The following LRFN2 variants were observed in gnomAD, a reference collection of about 807,000 sequenced individuals.
LRFN2 encodes the protein leucine rich repeat and fibronectin type III domain containing 2.
In LRFN2, 18 loss-of-function variants were observed where a neutral mutation model predicts 37.3. That is an observed-to-expected ratio of 0.48 (90% CI 0.33 to 0.72). The LOEUF (loss-of-function observed/expected upper bound fraction) is 0.72. Ranked by LOEUF, LRFN2 falls within the 30% of genes least tolerant of loss-of-function variation. The pLI, the probability that LRFN2 is intolerant of heterozygous loss-of-function variation, is 0.02. For missense variants in LRFN2, 1,006 were observed against 1,060.7 expected (o/e 0.95, Z 0.72); for synonymous variants, 556 against 466.6 (o/e 1.19, Z -2.47).
intron 1 of LRFN2, among the ~76,000 whole-genome samples, chr6:40,433,380 T>A (rs1012883698): frequency 6.6e-6 from 1 of 152,364 alleles, no homozygotes; most frequent in Non-Finnish European, 1.5e-5. Flanking sequence ...TGTTTCCTGT[T>A]TCAGTCCTCT....
At chr6:40,458,787 T>C (rs568634628) in intron 1 of LRFN2, among the ~76,000 whole-genome samples, 13 of 152,310 alleles carry the variant, frequency 8.5e-5, no homozygotes, top group African/African-American at 2.6e-4. Flanking sequence ...GCTGGGTAGT[T>C]GCCAGCCACC....
intron 1 of LRFN2, among the ~76,000 whole-genome samples, chr6:40,474,949 T>C (rs4266491): frequency 0.18 from 27,699 of 152,180 alleles, 4,631 homozygotes; most frequent in African/African-American, 0.44. Flanking sequence ...ACCCTGTGCT[T>C]TTCTGGGTCT....
intron 1 of LRFN2, among the ~76,000 whole-genome samples, chr6:40,441,192 G>A (rs897547139): frequency 2.0e-5 from 3 of 152,190 alleles, no homozygotes; most frequent in Non-Finnish European, 4.4e-5. Context: ...TGGGCTGTGC[G>A]GCACTCGCCG....
rs145332719 is a variant in LRFN2, at chr6:40,416,877, G to A, written c.1400+14837C>T. Among the ~76,000 whole-genome samples, 416 of 152,282 alleles carry A rather than the reference G, an allele frequency of 2.7e-3. 9 individuals carry two copies. The East Asian group carries it at 0.03, about 11-fold the overall frequency. On this transcript the variant is annotated intron_variant, in intron 2 of 2. Coordinates refer to ENST00000338305, the MANE Select transcript of LRFN2 (RefSeq NM_020737.3). ...ACCCATCTTTAATGGTGGAATTCCCGGCCCTCCGAACTGTGAAGGAAGCAT... is the reference window on the plus strand; with the variant it reads ...ACCCATCTTTAATGGTGGAATTCCCAGCCCTCCGAACTGTGAAGGAAGCAT...
chr6:40,392,714 G>C lies in LRFN2; in HGVS notation c.1599C>G (p.Thr533=). ...QSMHSQILGG[T]MILVIGGIIV... is the part of the protein sequence containing the mutation. Reference sequence around the variant, plus strand: ...TGATGCCCCCGATGACCAGGATCATGGTGCCGCCCAGAATCTGGCTGTGCA... The same window carrying C: ...TGATGCCCCCGATGACCAGGATCATCGTGCCGCCCAGAATCTGGCTGTGCA... The change falls in exon 3 of 3, where the codon ACC becomes ACG. Residue 533 remains threonine (T), a synonymous_variant. Transcript: ENST00000338305. The surrounding 1 kb of genome is among the most constrained non-coding windows in gnomAD (Gnocchi z 4.7). 1.2e-6 allele frequency: 2 copies of C among 1,614,098 alleles called. No homozygotes were observed. The highest frequency in any genetic ancestry group is 1.7e-6 in the Non-Finnish European group (2 of 1,179,982).
chr6:40,458,376 C>G (rs1286532067), intron 1 of LRFN2, among the ~76,000 whole-genome samples: 2 of 152,180 alleles, frequency 1.3e-5, no homozygotes, highest in Non-Finnish European at 2.9e-5. Flanking sequence ...GCAGTGGATA[C>G]TTTTATTTTA....
chr6:40,542,727 T>C (rs1444705043), intron 1 of LRFN2, among the ~76,000 whole-genome samples: 4 of 152,198 alleles, frequency 2.6e-5, no homozygotes, highest in Non-Finnish European at 5.9e-5. Context: ...AATTTGGCCC[T>C]GCTACCTCTC....
intron 2 of LRFN2, among the ~76,000 whole-genome samples, chr6:40,419,978 G>A (rs1484737050): frequency 3.3e-5 from 5 of 152,230 alleles, no homozygotes. Context: ...CTAGTGCAAA[G>A]GTTTGGTGTT....
At chr6:40,473,014 AC>A (rs1764633934) in intron 1 of LRFN2, among the ~76,000 whole-genome samples, 1 of 152,090 alleles carries the variant, frequency 6.6e-6, no homozygotes, top group African/African-American at 2.4e-5. Flanking sequence ...AGATGCTGGA[AC>A]AGGGGACACA....
chr6:40,485,429 T>C (rs1378610535), intron 1 of LRFN2, among the ~76,000 whole-genome samples: 1 of 152,238 alleles, frequency 6.6e-6, no homozygotes, highest in Admixed American at 6.5e-5. Context: ...GGATGCTTAA[T>C]GTGGCAGTTA....
At chr6:40,574,635 G>C (rs1767244451) in intron 1 of LRFN2, among the ~76,000 whole-genome samples, 1 of 152,166 alleles carries the variant, frequency 6.6e-6, no homozygotes, top group Admixed American at 6.5e-5. Context: ...ATAAATCTCA[G>C]GCTATGTAAA....
intron 1 of LRFN2, among the ~76,000 whole-genome samples, chr6:40,505,438 C>T (rs765076144): frequency 1.3e-5 from 2 of 152,178 alleles, no homozygotes; most frequent in Non-Finnish European, 2.9e-5. Context: ...CTCCATGACG[C>T]AGGTTTCTAA....
At chr6:40,464,484 G>T (rs1764414423) in intron 1 of LRFN2, among the ~76,000 whole-genome samples, 1 of 152,224 alleles carries the variant, frequency 6.6e-6, no homozygotes, top group African/African-American at 2.4e-5. Flanking sequence ...GATGCAGCAA[G>T]AAGACCCTTG....
chr6:40,514,912 G>GCC (rs1765817964), intron 1 of LRFN2, among the ~76,000 whole-genome samples: 1 of 152,030 alleles, frequency 6.6e-6, no homozygotes, highest in Non-Finnish European at 1.5e-5. Context: ...CTCTTATGCT[G>GCC]CCCCTGGCTG....
At chr6:40,524,927 T>C (rs757878226) in intron 1 of LRFN2, among the ~76,000 whole-genome samples, 3 of 152,222 alleles carry the variant, frequency 2.0e-5, no homozygotes, top group Non-Finnish European at 4.4e-5. Context: ...CACTAGGGCA[T>C]CGTGGCAAAG....
intron 1 of LRFN2, among the ~76,000 whole-genome samples, chr6:40,471,918 A>G (rs1287817388): frequency 6.6e-6 from 1 of 152,152 alleles, no homozygotes; most frequent in African/African-American, 2.4e-5. Flanking sequence ...AGAAGCAGCG[A>G]GGGCCTATTT....
At chr6:40,431,577 G>C in intron 2 of LRFN2, 137 bp downstream of exon 2, 1 of 628,906 alleles carries the variant, frequency 1.6e-6, no homozygotes, top group Non-Finnish European at 2.5e-6. Context: ...TGCACGAATG[G>C]CACAGTTTGC....
chr6:40,460,529 A>T (rs1764325564), intron 1 of LRFN2, among the ~76,000 whole-genome samples: 1 of 152,226 alleles, frequency 6.6e-6, no homozygotes, highest in South Asian at 2.1e-4. Flanking sequence ...CAAGCCGTGT[A>T]CTAAGTTCTG....
At chr6:40,522,039 C>A (rs1307379293) in intron 1 of LRFN2, among the ~76,000 whole-genome samples, 1 of 152,162 alleles carries the variant, frequency 6.6e-6, no homozygotes, top group Non-Finnish European at 1.5e-5. Context: ...TTATGGGGTA[C>A]TATGGTGCTG....
Sources: allele counts gnomAD v4.1 joint callset (sites outside exome capture counted in the v4.1 genomes callset), GRCh38; gene constraint gnomAD v4.1.1; non-coding constraint Gnocchi (gnomAD v3.1); transcripts MANE v1.5; gene names NCBI Gene and HGNC (gene_info 2026-07-23, HGNC 2026-07-21).